Variants in PTGFR observed in about 807,000 individuals in gnomAD.
PTGFR encodes the protein prostaglandin F2-alpha receptor.
Under a neutral mutation model 26.2 loss-of-function variants are expected in PTGFR, and 15 were observed. The ratio of observed to expected loss-of-function variants is 0.57; its 90% CI spans 0.38 to 0.88. PTGFR has a LOEUF of 0.88. Ranked by LOEUF, PTGFR falls within the 40% of genes least tolerant of loss-of-function variation. The pLI, the probability that PTGFR is intolerant of heterozygous loss-of-function variation, is 0.00. For missense variants in PTGFR, 369 were observed against 427.2 expected, an observed-to-expected ratio of 0.86 and a Z score of 1.20; for synonymous variants, 165 against 151.1, an observed-to-expected ratio of 1.09 and a Z score of -0.68.
chr1:78,520,461 T>G (rs2100383916), intron 2 of PTGFR, among the ~76,000 whole-genome samples: 1 of 152,134 alleles, frequency 6.6e-6, no homozygotes, highest in East Asian at 1.9e-4. Flanking sequence ...ACAAGATAAT[T>G]TATACACTGG....
At chr1:78,505,494 A>G (rs966384867) in intron 2 of PTGFR, among the ~76,000 whole-genome samples, 3 of 152,194 alleles carry the variant, frequency 2.0e-5, no homozygotes, top group Admixed American at 6.5e-5. Context: ...ATACAAGTAT[A>G]TAAGAAAGCA....
At chr1:78,528,841 A>G (rs1246890468) in intron 2 of PTGFR, among the ~76,000 whole-genome samples, 2 of 152,136 alleles carry the variant, frequency 1.3e-5, no homozygotes, top group Non-Finnish European at 2.9e-5. Flanking sequence ...AAATTTCAAT[A>G]AATAAGTAGA....
At chr1:78,497,633 G>A (rs1005352498) in intron 2 of PTGFR, among the ~76,000 whole-genome samples, 2 of 152,102 alleles carry the variant, frequency 1.3e-5, no homozygotes, top group African/African-American at 4.8e-5. Flanking sequence ...TCACCTATTT[G>A]GCAGAACAAT....
chr1:78,531,841 C>T (rs1650515134), intron 2 of PTGFR, among the ~76,000 whole-genome samples: 1 of 152,016 alleles, frequency 6.6e-6, no homozygotes, highest in Non-Finnish European at 1.5e-5. Context: ...AAGTTAAAGA[C>T]ATAGTTCCTA....
chr1:78,519,590 C>A (rs1650175451), intron 2 of PTGFR, among the ~76,000 whole-genome samples: 1 of 152,024 alleles, frequency 6.6e-6, no homozygotes, highest in Non-Finnish European at 1.5e-5. Flanking sequence ...TGCACATGTG[C>A]TACAGGGGAT....
rs961445003 is a variant in PTGFR, at chr1:78,538,262, T to G, written c.*1575T>G. 2 of 152,056 alleles carry G rather than the reference T, an allele frequency of 1.3e-5. No individual in the cohort carries two copies. The highest frequency in any genetic ancestry group is 6.6e-5 in the Admixed American group (1 of 15,216). The allele number at this position is 152,056 out of a possible 1,614,324, so 9.4% of individuals were successfully genotyped here. On this transcript the variant is annotated 3_prime_UTR_variant, in exon 3 of 3. Coordinates refer to ENST00000370757, the MANE Select transcript of PTGFR (RefSeq NM_000959.4). ...CATGTATTTTGACTGGGGAGAGGCA[T>G]GGAGAAGAAACTCTCATTCAGGGGC...
intron 2 of PTGFR, among the ~76,000 whole-genome samples, chr1:78,497,215 A>C (rs566605276): frequency 6.6e-6 from 1 of 152,286 alleles, no homozygotes; most frequent in African/African-American, 2.4e-5. Flanking sequence ...TAATTACTTA[A>C]ATTTTTACAA....
intron 2 of PTGFR, among the ~76,000 whole-genome samples, chr1:78,508,358 A>T (rs896557764): frequency 2.0e-5 from 3 of 152,198 alleles, no homozygotes; most frequent in African/African-American, 7.2e-5. Flanking sequence ...TTCCTCTGGT[A>T]TGTGGCTGGA....
At chr1:78,494,674 C>T (rs1210351398) in intron 2 of PTGFR, among the ~76,000 whole-genome samples, 1 of 152,156 alleles carries the variant, frequency 6.6e-6, no homozygotes, top group Non-Finnish European at 1.5e-5. Flanking sequence ...GGTGCGATCT[C>T]GGCTTATTGC....
At chr1:78,524,439 AT>A (rs1650319700) in intron 2 of PTGFR, among the ~76,000 whole-genome samples, 1 of 152,114 alleles carries the variant, frequency 6.6e-6, no homozygotes, top group African/African-American at 2.4e-5. Flanking sequence ...TGCTTATGGA[AT>A]GAATATTTGC....
In PTGFR at chr1:78,530,095, T is replaced by C. The variant is rs532480110; in HGVS notation, c.799-6311T>C. 1.3e-3 allele frequency among the ~76,000 whole-genome samples: 190 copies of C among 148,330 alleles called. 1 individual carries two copies. Among genetic ancestry groups the C allele is most frequent in the African/African-American group, 4.3e-3 (175 of 40,764 alleles). On this transcript the variant is annotated intron_variant, in intron 2 of 2. Transcript: ENST00000370757. ...AACTACTGAAATGAAAATCATGCCA[T>C]TCATCATGGGACAGATAAGAAGAAG...
intron 2 of PTGFR, chr1:78,498,042 TA>T: frequency 1.1e-6 from 1 of 935,926 alleles, no homozygotes. Flanking sequence ...TCAACATAGT[TA>T]AACATTGTTT....
rs141616347 is a variant in PTGFR at position 78,502,978 on chromosome 1, G to A, written c.798+9437G>A. ...GATTATTCGTGACAGCTTATGAAAA[G>A]GAAAAAATTTCTCTGGGCTATCATT... On this transcript the variant is annotated intron_variant, in intron 2 of 2. Coordinates refer to ENST00000370757, the MANE Select transcript of PTGFR (RefSeq NM_000959.4). 3.4e-3 allele frequency among the ~76,000 whole-genome samples: 524 copies of A among 151,958 alleles called. 5 individuals are homozygous for A. The highest frequency in any genetic ancestry group is 0.012 in the African/African-American group (510 of 41,512).
intron 2 of PTGFR, among the ~76,000 whole-genome samples, chr1:78,503,208 A>T (rs565215716): frequency 6.6e-6 from 1 of 150,576 alleles, no homozygotes; most frequent in Non-Finnish European, 1.5e-5. Context: ...AAATTTTTCA[A>T]GTAATAAAAT....
chr1:78,498,396 CAT>C (rs780960970), intron 2 of PTGFR, among the ~76,000 whole-genome samples: 51 of 151,908 alleles, frequency 3.4e-4, no homozygotes, highest in African/African-American at 1.0e-3. Context: ...TAAATGTGTA[CAT>C]ATATATATGT....
chr1:78,512,379 G>A (rs1649992928), intron 2 of PTGFR, among the ~76,000 whole-genome samples: 1 of 152,206 alleles, frequency 6.6e-6, no homozygotes, highest in African/African-American at 2.4e-5. Flanking sequence ...CAGGAAGTGT[G>A]ATGCCAGCTG....
chr1:78,501,716 G>C (rs942325429), intron 2 of PTGFR, among the ~76,000 whole-genome samples: 1 of 152,150 alleles, frequency 6.6e-6, no homozygotes. Context: ...CTTCCTTTGA[G>C]AATAGTGTAG....
rs116663708 is a variant in PTGFR, at chr1:78,501,783, A to G, written c.798+8242A>G. Among the ~76,000 whole-genome samples the G allele has an allele frequency of 6.6e-3, 1,002 of 152,236 alleles. 7 individuals carry two copies. Among genetic ancestry groups the G allele is most frequent in the African/African-American group, 0.023 (939 of 41,544 alleles). On this transcript the variant is annotated intron_variant, in intron 2 of 2. Transcript: ENST00000370757. Reference sequence around the variant, plus strand: ...TCAGCCTCACCACTTCTTAGCTATGACCTTAGAGTTACTCTAAGACAATTG... The same window carrying G: ...TCAGCCTCACCACTTCTTAGCTATGGCCTTAGAGTTACTCTAAGACAATTG...
At chr1:78,524,881 G>A (rs1043533651) in intron 2 of PTGFR, among the ~76,000 whole-genome samples, 1 of 135,984 alleles carries the variant, frequency 7.4e-6, no homozygotes, top group Non-Finnish European at 1.5e-5. Flanking sequence ...TTCATCTAAA[G>A]CTCTACACTT....
Sources: allele counts gnomAD v4.1 joint callset (sites outside exome capture counted in the v4.1 genomes callset), GRCh38; gene constraint gnomAD v4.1.1; transcripts MANE v1.5; gene names NCBI Gene and HGNC (gene_info 2026-07-23, HGNC 2026-07-21).